Variants in ATRNL1 observed in about 807,000 individuals in gnomAD.
The protein encoded by ATRNL1 is attractin-like protein 1.
A neutral mutation model predicts 182.7 loss-of-function variants in ATRNL1; 95 were observed. That is an observed-to-expected ratio of 0.52 (90% confidence interval 0.44 to 0.62). The LOEUF (loss-of-function observed/expected upper bound fraction) is 0.62. Ranked by LOEUF, ATRNL1 falls within the 20% of genes least tolerant of loss-of-function variation. The pLI is 0.00. For missense variants in ATRNL1, 1,471 were observed against 1,679.5 expected (o/e 0.88, Z 2.17); for synonymous variants, 576 against 568.3 (o/e 1.01, Z -0.19).
intron 17 of ATRNL1, among the ~76,000 whole-genome samples, chr10:115,311,531 T>C (rs1463631395): frequency 1.3e-5 from 2 of 150,648 alleles, no homozygotes; most frequent in African/African-American, 4.9e-5. Flanking sequence ...TTGTGGCCTG[T>C]CATATGGTCT....
At chr10:115,434,399 T>A (rs1487311057) in intron 21 of ATRNL1, among the ~76,000 whole-genome samples, 1 of 152,106 alleles carries the variant, frequency 6.6e-6, no homozygotes, top group African/African-American at 2.4e-5. Flanking sequence ...ATTATTCCCA[T>A]TTTATAGATA....
intron 26 of ATRNL1, among the ~76,000 whole-genome samples, chr10:115,707,219 C>G (rs539324482): frequency 6.6e-6 from 1 of 151,816 alleles, no homozygotes; most frequent in South Asian, 2.1e-4. Context: ...GCACTCTTAT[C>G]GTATCAGTCT....
At chr10:115,535,145 A>T (rs1350099443) in intron 25 of ATRNL1, among the ~76,000 whole-genome samples, 6 of 150,946 alleles carry the variant, frequency 4.0e-5, no homozygotes, top group Admixed American at 1.3e-4. Flanking sequence ...CTGAATCTGA[A>T]TGTTGGCCTG....
chr10:115,103,371 G>A (rs758533888), intron 1 of ATRNL1, among the ~76,000 whole-genome samples: 47 of 152,092 alleles, frequency 3.1e-4, no homozygotes, highest in South Asian at 2.1e-4. Flanking sequence ...AATATTTTAT[G>A]TTCTTTAAGG....
intron 24 of ATRNL1, among the ~76,000 whole-genome samples, chr10:115,514,741 A>G (rs1850555833): frequency 6.6e-6 from 1 of 151,934 alleles, no homozygotes; most frequent in Non-Finnish European, 1.5e-5. Context: ...GATATTTGGG[A>G]GTGATAATGA....
intron 28 of ATRNL1, among the ~76,000 whole-genome samples, chr10:115,911,285 C>T (rs1565480203): frequency 6.6e-6 from 1 of 152,002 alleles, no homozygotes; most frequent in East Asian, 1.9e-4. Context: ...CAGACATGAG[C>T]CACCACGCCC....
intron 21 of ATRNL1, among the ~76,000 whole-genome samples, chr10:115,439,611 A>T (rs1165101518): frequency 1.3e-5 from 2 of 151,740 alleles, no homozygotes. Flanking sequence ...TCCTCCCCAG[A>T]ACCTGTGATA....
At chr10:115,708,644 T>C (rs574954920) in intron 26 of ATRNL1, among the ~76,000 whole-genome samples, 2 of 151,928 alleles carry the variant, frequency 1.3e-5, no homozygotes, top group Admixed American at 1.3e-4. Flanking sequence ...CATCATTGTC[T>C]GAAGGTATGC....
intron 26 of ATRNL1, among the ~76,000 whole-genome samples, chr10:115,665,297 A>G (rs565714080): frequency 6.6e-4 from 101 of 152,266 alleles, no homozygotes; most frequent in African/African-American, 2.4e-3. Context: ...TCACTAATAC[A>G]AACTCCTCAC....
chr10:115,941,986 T>G (rs1953744585), intron 28 of ATRNL1, among the ~76,000 whole-genome samples: 1 of 152,236 alleles, frequency 6.6e-6, no homozygotes, highest in African/African-American at 2.4e-5. Flanking sequence ...CAGGATGATA[T>G]TTAATATCCT....
At chr10:115,882,607 G>T (rs1951851789) in intron 28 of ATRNL1, among the ~76,000 whole-genome samples, 1 of 152,132 alleles carries the variant, frequency 6.6e-6, no homozygotes, top group Non-Finnish European at 1.5e-5. Flanking sequence ...AAGCCTTCCA[G>T]ACTCCTTGTA....
At chr10:115,794,811 GTTCT>G (rs1397516566) in intron 27 of ATRNL1, among the ~76,000 whole-genome samples, 2 of 152,042 alleles carry the variant, frequency 1.3e-5, no homozygotes, top group Non-Finnish European at 2.9e-5. Context: ...CAATTAATAA[GTTCT>G]TTATGGGAAA....
Position 115,266,848 on chromosome 10 carries a change from T to C in ATRNL1, c.1824T>C (p.Leu608=), listed in dbSNP as rs782144508. ...GFSSVLLNDI[L]VYKPPNCKAF... ...CTAGTGTACTCCTTAATGATATCCT[T>C]GTATACAAGCCTCCAAATTGCAAGG... Residue 608 remains leucine (L), a synonymous_variant, in exon 12 of 29, where the codon CTT becomes CTC. Transcript: ENST00000355044. 3 of 1,611,990 alleles carry C rather than the reference T, an allele frequency of 1.9e-6. No individual in the cohort carries two copies. Among genetic ancestry groups the C allele is most frequent in the African/African-American group, 2.7e-5 (2 of 74,860 alleles).
rs114622435 is a variant in ATRNL1, at chr10:115,635,739, G to A, written c.3795+86203G>A. Reference sequence around the variant, plus strand: ...CAACCTGGTATTACTCAAAATGCCCGTCAGTAGTATCATTTTTAAAAACAA... The same window carrying A: ...CAACCTGGTATTACTCAAAATGCCCATCAGTAGTATCATTTTTAAAAACAA... On this transcript the variant is annotated intron_variant, in intron 26 of 28. Coordinates refer to ENST00000355044, the MANE Select transcript of ATRNL1 (RefSeq NM_207303.4). Among the ~76,000 whole-genome samples the A allele has an allele frequency of 7.1e-3, 1,085 of 152,096 alleles. 12 individuals are homozygous for A. Among genetic ancestry groups the A allele is most frequent in the African/African-American group, 0.025 (1,024 of 41,484 alleles).
intron 19 of ATRNL1, among the ~76,000 whole-genome samples, chr10:115,370,277 G>C (rs1211382979): frequency 2.0e-5 from 3 of 152,140 alleles, no homozygotes; most frequent in Non-Finnish European, 4.4e-5. Context: ...CAGTAGAGTG[G>C]GGCACTTCTG....
intron 26 of ATRNL1, among the ~76,000 whole-genome samples, chr10:115,645,707 C>T (rs1356162880): frequency 2.6e-5 from 4 of 151,862 alleles, no homozygotes; most frequent in South Asian, 2.1e-4. Flanking sequence ...TAGAAACATA[C>T]TCTGAATGTT....
intron 13 of ATRNL1, among the ~76,000 whole-genome samples, chr10:115,270,578 C>A (rs1851817708): frequency 6.6e-6 from 1 of 151,728 alleles, no homozygotes; most frequent in African/African-American, 2.4e-5. Flanking sequence ...AAATTCTACT[C>A]TACGTATGGA....
chr10:115,153,153 A>G (rs1554881139), intron 5 of ATRNL1, among the ~76,000 whole-genome samples: 1 of 152,214 alleles, frequency 6.6e-6, no homozygotes, highest in Non-Finnish European at 1.5e-5. Context: ...ATTGATATTC[A>G]TCAGAGATAT....
intron 27 of ATRNL1, among the ~76,000 whole-genome samples, chr10:115,737,037 C>A (rs1947971780): frequency 6.6e-6 from 1 of 152,074 alleles, no homozygotes; most frequent in Admixed American, 6.6e-5. Context: ...GCTCATTGCA[C>A]CCTCTCCAGT....
Sources: allele counts gnomAD v4.1 joint callset (sites outside exome capture counted in the v4.1 genomes callset), GRCh38; gene constraint gnomAD v4.1.1; transcripts MANE v1.5; gene names NCBI Gene and HGNC (gene_info 2026-07-23, HGNC 2026-07-21).